NELL1: variants seen among roughly 807,000 people sequenced by gnomAD.
NELL1 encodes the protein protein kinase C-binding protein NELL1.
A neutral mutation model predicts 107.4 loss-of-function variants in NELL1; 76 were observed. The observed-to-expected ratio is 0.71, with a 90% confidence interval of 0.59 to 0.86. NELL1 has a LOEUF of 0.86. Ranked by LOEUF, NELL1 falls within the 40% of genes least tolerant of loss-of-function variation. The pLI, the probability that NELL1 is intolerant of heterozygous loss-of-function variation, is 0.00. For missense variants in NELL1, 1,024 were observed against 1,005.5 expected, an observed-to-expected ratio of 1.02 and a Z score of -0.25; for synonymous variants, 353 against 341.2, an observed-to-expected ratio of 1.03 and a Z score of -0.38.
chr11:20,785,003 TG>T (rs1856924764), intron 3 of NELL1, among the ~76,000 whole-genome samples: 1 of 152,168 alleles, frequency 6.6e-6, no homozygotes, highest in Non-Finnish European at 1.5e-5. Context: ...ATTAGGTTAG[TG>T]GTTGAGGAAG....
At chr11:21,027,127 AT>A (rs143906067) in intron 12 of NELL1, among the ~76,000 whole-genome samples, 3,782 of 152,262 alleles carry the variant, frequency 0.025, 157 homozygotes, top group African/African-American at 0.085. Flanking sequence ...ACAAAAATTC[AT>A]TTTAAATGAA....
At chr11:20,854,929 C>T (rs1043859508) in intron 4 of NELL1, among the ~76,000 whole-genome samples, 1 of 152,172 alleles carries the variant, frequency 6.6e-6, no homozygotes, top group Non-Finnish European at 1.5e-5. Context: ...TATAGATGGC[C>T]AATATAATAC....
intron 12 of NELL1, among the ~76,000 whole-genome samples, chr11:21,039,384 C>T (rs1853172101): frequency 6.6e-6 from 1 of 152,094 alleles, no homozygotes; most frequent in Non-Finnish European, 1.5e-5. Context: ...CGGGGTTTCA[C>T]CATGTTGGCT....
At position 21,525,685 on chromosome 11, in the gene NELL1, G is replaced by A. The variant is rs1448379546; in HGVS notation, c.1646-8689G>A. On this transcript the variant is annotated intron_variant, in intron 15 of 19. Transcript: ENST00000357134. ...ACTCACAGTTCCACATGGCTGGGGA[G>A]GCCTCACAATCATGGCAGAAGGTGA... Among the ~76,000 whole-genome samples the A allele has an allele frequency of 3.3e-5, 5 of 152,272 alleles. No individual in the cohort carries two copies. In the East Asian group the frequency reaches 7.7e-4, roughly 24 times the overall value.
chr11:21,513,043 C>G (rs1443174496), intron 15 of NELL1, among the ~76,000 whole-genome samples: 1 of 152,140 alleles, frequency 6.6e-6, no homozygotes, highest in Non-Finnish European at 1.5e-5. Context: ...GATTGGACAT[C>G]AAGTTTATTC....
At chr11:21,213,502 GAATTGAATTGAATTGAATCAATTGAATC>G (rs1056576353) in intron 13 of NELL1, among the ~76,000 whole-genome samples, 1 of 151,994 alleles carries the variant, frequency 6.6e-6, no homozygotes, top group African/African-American at 2.4e-5. Context: ...CAATTGAATT[GAATTGAATTGAATTGAATCAATTGAATC>G]AATTGAATTG....
chr11:21,248,958 A>G (rs1858567702), intron 14 of NELL1, among the ~76,000 whole-genome samples: 1 of 152,096 alleles, frequency 6.6e-6, no homozygotes, highest in African/African-American at 2.4e-5. Flanking sequence ...TCTGAGGAGG[A>G]AGCCAACAGA....
intron 12 of NELL1, among the ~76,000 whole-genome samples, chr11:20,996,595 C>T (rs1418903687): frequency 6.6e-6 from 1 of 152,184 alleles, no homozygotes; most frequent in Admixed American, 6.5e-5. Flanking sequence ...GTAAGCTTCT[C>T]ATGGTGGGGA....
intron 12 of NELL1, among the ~76,000 whole-genome samples, chr11:20,966,721 G>T (rs1851393824): frequency 6.6e-6 from 1 of 151,904 alleles, no homozygotes; most frequent in Non-Finnish European, 1.5e-5. Context: ...CCTTGTTCCT[G>T]GGCCTGGCTT....
intron 16 of NELL1, among the ~76,000 whole-genome samples, chr11:21,542,340 G>C (rs1010162962): frequency 2.6e-5 from 4 of 152,066 alleles, no homozygotes; most frequent in Non-Finnish European, 5.9e-5. Context: ...CTTTCTGGAA[G>C]GGAGGAGAAC....
chr11:20,850,929 C>A (rs1252479253), intron 4 of NELL1, among the ~76,000 whole-genome samples: 1 of 152,152 alleles, frequency 6.6e-6, no homozygotes, highest in Non-Finnish European at 1.5e-5. Context: ...AGATAAATAA[C>A]TAGGTGTCAA....
chr11:21,385,852 A>G (rs1175707792), intron 15 of NELL1, among the ~76,000 whole-genome samples: 1 of 151,858 alleles, frequency 6.6e-6, no homozygotes, highest in Non-Finnish European at 1.5e-5. Flanking sequence ...TATCAAAGCA[A>G]CAATCTGCCT....
At chr11:21,206,782 A>C (rs921900307) in intron 13 of NELL1, among the ~76,000 whole-genome samples, 17 of 152,202 alleles carry the variant, frequency 1.1e-4, no homozygotes, top group African/African-American at 3.9e-4. Context: ...CAACATGTTC[A>C]TACTGAGACT....
chr11:20,677,840 C>T (rs1056830300), intron 1 of NELL1, 92 bp from the exon 2 acceptor site: 1 of 1,475,074 alleles, frequency 6.8e-7, no homozygotes, highest in African/African-American at 1.4e-5. Context: ...CATTGGCTTC[C>T]TTGTATTCCC....
At chr11:21,378,187 C>G (rs767512559) in intron 15 of NELL1, among the ~76,000 whole-genome samples, 1 of 151,098 alleles carries the variant, frequency 6.6e-6, no homozygotes, top group East Asian at 2.0e-4. Context: ...CCCTGGGAGA[C>G]AAAATTTCAT....
intron 14 of NELL1, among the ~76,000 whole-genome samples, chr11:21,289,067 A>T (rs74794030): frequency 0.03 from 4,513 of 152,282 alleles, 237 homozygotes; most frequent in African/African-American, 0.1. Flanking sequence ...AATAGGGTAG[A>T]CCAGATATAA....
chr11:20,883,523 G>A (rs963413029), intron 4 of NELL1, among the ~76,000 whole-genome samples: 1 of 152,130 alleles, frequency 6.6e-6, no homozygotes, highest in Non-Finnish European at 1.5e-5. Flanking sequence ...TTGAGCTTAA[G>A]GTAAATGGTT....
chr11:20,671,523 T>C (rs920750553), intron 1 of NELL1, among the ~76,000 whole-genome samples: 3 of 152,214 alleles, frequency 2.0e-5, no homozygotes, highest in Non-Finnish European at 1.5e-5. Flanking sequence ...TCAGGGTTCA[T>C]TGCTTGTGGA....
chr11:21,029,824 C>T (rs1011485321), intron 12 of NELL1, among the ~76,000 whole-genome samples: 2 of 152,162 alleles, frequency 1.3e-5, no homozygotes, highest in African/African-American at 4.8e-5. Flanking sequence ...CCTCTCCAAT[C>T]CTCTTTCAAT....
Sources: gnomAD v4.1 joint callset for allele counts (sites outside exome capture counted in the v4.1 genomes callset) on GRCh38, gnomAD v4.1.1 for gene constraint, MANE v1.5 for transcripts, NCBI Gene and HGNC (gene_info 2026-07-23, HGNC 2026-07-21) for gene names.